LRRC37A2: variants seen among roughly 807,000 people sequenced by gnomAD.
The protein encoded by LRRC37A2 is leucine-rich repeat-containing protein 37A2.
In LRRC37A2, 9 loss-of-function variants were observed where a neutral mutation model predicts 68.8. The observed-to-expected ratio is 0.13, with a 90% CI of 0.08 to 0.23. LRRC37A2 has a LOEUF of 0.23. LRRC37A2 is among the 10% of genes least tolerant of loss of function. The pLI is 1.00. For synonymous variants in LRRC37A2, 63 were observed against 367.6 expected, an observed-to-expected ratio of 0.17 and a Z score of 9.48; for missense variants, 168 against 950.4, an observed-to-expected ratio of 0.18 and a Z score of 10.82.
chr17:46,742,755 C>T, the LRRC37A2 span, among the ~76,000 whole-genome samples: 14 of 152,022 alleles, frequency 9.2e-5, no homozygotes, highest in South Asian at 6.2e-4. Context: ...ACTGCAAGGG[C>T]GCAGATGGAT....
the LRRC37A2 span, among the ~76,000 whole-genome samples, chr17:46,856,239 A>G: frequency 6.6e-6 from 1 of 152,162 alleles, no homozygotes; most frequent in Non-Finnish European, 1.5e-5. Context: ...GCTTTGGGTT[A>G]TGAGAATACC....
At chr17:47,020,802 A>T in the LRRC37A2 span, among the ~76,000 whole-genome samples, 1 of 146,932 alleles carries the variant, frequency 6.8e-6, no homozygotes, top group Admixed American at 6.9e-5. Flanking sequence ...AAAAAAAAAA[A>T]AAAATAGGAG....
the LRRC37A2 span, among the ~76,000 whole-genome samples, chr17:46,492,540 TATG>T: frequency 6.7e-6 from 1 of 150,032 alleles, no homozygotes; most frequent in African/African-American, 2.5e-5. Flanking sequence ...TACCTAGGAG[TATG>T]ATTTCTGGGT....
At chr17:46,913,640 A>T in the LRRC37A2 span, among the ~76,000 whole-genome samples, 1 of 152,230 alleles carries the variant, frequency 6.6e-6, no homozygotes, top group African/African-American at 2.4e-5. Flanking sequence ...AATGACCAGG[A>T]TGAGGCCAGT....
the LRRC37A2 span, chr17:46,476,905 AT>A: frequency 2.9e-6 from 1 of 350,410 alleles, no homozygotes; most frequent in Admixed American, 4.5e-5. Flanking sequence ...GTGGTGCTGA[AT>A]TGGAGGGTCT....
the LRRC37A2 span, among the ~76,000 whole-genome samples, chr17:46,837,589 T>C: frequency 6.6e-6 from 1 of 152,310 alleles, no homozygotes; most frequent in African/African-American, 2.4e-5. Flanking sequence ...TCCGAGGTCA[T>C]AGTCCTAATA....
chr17:46,820,164 C>T, the LRRC37A2 span, among the ~76,000 whole-genome samples: 1 of 152,218 alleles, frequency 6.6e-6, no homozygotes, highest in Admixed American at 6.5e-5. Context: ...CAGCTCCAAC[C>T]TGCTGCCCCT....
the LRRC37A2 span, among the ~76,000 whole-genome samples, chr17:46,992,278 G>A: frequency 6.0e-5 from 9 of 150,788 alleles, no homozygotes; most frequent in Admixed American, 4.7e-4. Context: ...CGAGGCAGGA[G>A]AATCACTTGA....
the LRRC37A2 span, among the ~76,000 whole-genome samples, chr17:47,034,092 T>C: frequency 1.6e-4 from 24 of 152,314 alleles, no homozygotes; most frequent in African/African-American, 5.5e-4. Context: ...CCCAGCACTT[T>C]AGGAGGCCAA....
At chr17:46,840,714 T>G in the LRRC37A2 span, among the ~76,000 whole-genome samples, 1 of 152,260 alleles carries the variant, frequency 6.6e-6, no homozygotes, top group Non-Finnish European at 1.5e-5. Flanking sequence ...TGAGATGGTA[T>G]CTCATTGTGG....
the LRRC37A2 span, among the ~76,000 whole-genome samples, chr17:46,942,243 G>A: frequency 6.6e-6 from 1 of 152,186 alleles, no homozygotes; most frequent in Non-Finnish European, 1.5e-5. Flanking sequence ...TCTCAACCGG[G>A]GGGTGACATT....
chr17:46,965,012 G>C, the LRRC37A2 span: 3 of 152,184 alleles, frequency 2.0e-5, no homozygotes, highest in Non-Finnish European at 2.9e-5. Context: ...CATCTCCATG[G>C]CAATTCACTG....
At chr17:46,879,849 C>A in the LRRC37A2 span, among the ~76,000 whole-genome samples, 1 of 152,188 alleles carries the variant, frequency 6.6e-6, no homozygotes, top group Non-Finnish European at 1.5e-5. Context: ...CAAGTGGAGT[C>A]CCATGTCTCA....
the LRRC37A2 span, among the ~76,000 whole-genome samples, chr17:46,771,892 C>T: frequency 0.058 from 8,384 of 144,148 alleles, 1,270 homozygotes; most frequent in East Asian, 0.59. Flanking sequence ...GCCCCCGCCC[C>T]TGCCCCCGCC....
the LRRC37A2 span, among the ~76,000 whole-genome samples, chr17:46,719,863 AAATT>A: frequency 4.3e-4 from 66 of 152,246 alleles, no homozygotes; most frequent in Admixed American, 9.8e-4. This position sits in a 1 kb window ranked among gnomAD's most constrained non-coding sequence, Gnocchi z 4.3. Flanking sequence ...TGTTTGAACA[AAATT>A]AAGTAAAACT....
At chr17:46,939,989 C>G in the LRRC37A2 span, 1 of 1,010,190 alleles carries the variant, frequency 9.9e-7, no homozygotes, top group Non-Finnish European at 1.2e-6. Flanking sequence ...CACTCAAAAT[C>G]CTTCAGATCT....
chr17:46,771,698 G>A, the LRRC37A2 span, among the ~76,000 whole-genome samples: 130 of 143,330 alleles, frequency 9.1e-4, no homozygotes, highest in African/African-American at 3.1e-3. Context: ...TCCCGCGGCC[G>A]GGCCGCGCCC....
the LRRC37A2 span, among the ~76,000 whole-genome samples, chr17:46,862,238 AT>A: frequency 2.6e-5 from 4 of 152,210 alleles, no homozygotes; most frequent in South Asian, 8.3e-4. Flanking sequence ...GGCAGAACAA[AT>A]AAACTTAAAA....
At chr17:46,839,940 CTTTCTTTCTT>C in the LRRC37A2 span, among the ~76,000 whole-genome samples, 2 of 148,120 alleles carry the variant, frequency 1.4e-5, no homozygotes, top group Non-Finnish European at 3.0e-5. Flanking sequence ...TTCTTTCTTT[CTTTCTTTCTT>C]TCTTTCTTTC....
Sources: allele counts gnomAD v4.1 joint callset (sites outside exome capture counted in the v4.1 genomes callset), GRCh38; gene constraint gnomAD v4.1.1; non-coding constraint Gnocchi (gnomAD v3.1); transcripts MANE v1.5; gene names NCBI Gene and HGNC (gene_info 2026-07-23, HGNC 2026-07-21).